Variants in ACTL8 observed in about 807,000 individuals in gnomAD.
ACTL8 encodes actin like 8.
A neutral mutation model predicts 9.3 loss-of-function variants in ACTL8; 3 were observed. The observed-to-expected ratio is 0.32, with a 90% CI of 0.15 to 0.83. The LOEUF is 0.83. ACTL8 is among the 40% of genes least tolerant of loss of function. The pLI is 0.57. For missense variants in ACTL8, 381 were observed against 492.2 expected, an observed-to-expected ratio of 0.77 and a Z score of 2.14; for synonymous variants, 224 against 205.9, an observed-to-expected ratio of 1.09 and a Z score of -0.75.
chr1:17,789,912 C>T (rs2066225560), intron 1 of ACTL8, among the ~76,000 whole-genome samples: 2 of 152,238 alleles, frequency 1.3e-5, no homozygotes, highest in Non-Finnish European at 2.9e-5. Flanking sequence ...CTGCTGGGCT[C>T]ATTTCACGCA....
chr1:17,813,738 G>A (rs896182388), intron 1 of ACTL8, among the ~76,000 whole-genome samples: 3 of 152,138 alleles, frequency 2.0e-5, no homozygotes, highest in African/African-American at 4.8e-5. Context: ...CAGTGAAACC[G>A]TTTAGACCTA....
intron 1 of ACTL8, among the ~76,000 whole-genome samples, chr1:17,773,320 C>T (rs951677955): frequency 2.9e-4 from 44 of 152,216 alleles, no homozygotes; most frequent in African/African-American, 1.0e-3. Flanking sequence ...GCTCACCGAT[C>T]GCTGTGCCTT....
intron 1 of ACTL8, among the ~76,000 whole-genome samples, chr1:17,770,788 A>G (rs540019101): frequency 3.9e-5 from 6 of 152,304 alleles, no homozygotes; most frequent in African/African-American, 1.4e-4. Context: ...TGGACTGTAT[A>G]GTCAGGAAAG....
In ACTL8 at chr1:17,767,830, G is replaced by A. The variant is rs928625560; in HGVS notation, c.-25+12326G>A. Among the ~76,000 whole-genome samples the A allele has an allele frequency of 2.0e-5, 3 of 152,078 alleles. No homozygotes were observed. The highest frequency in any genetic ancestry group is 4.8e-5 in the African/African-American group (2 of 41,378). On this transcript the variant is annotated intron_variant, in intron 1 of 2. Coordinates refer to ENST00000375406, the MANE Select transcript of ACTL8 (RefSeq NM_030812.3). This position sits in a 1 kb window ranked among gnomAD's most constrained non-coding sequence, Gnocchi z 4.7. ...AGTCTGATGCCGTGACTGCTGACAC[G>A]GGAGGAATGACACTGCGTTACTCAA...
intron 1 of ACTL8, among the ~76,000 whole-genome samples, chr1:17,802,757 C>T (rs1016251828): frequency 4.6e-5 from 7 of 152,142 alleles, no homozygotes; most frequent in Admixed American, 2.0e-4. Context: ...CCAAGGCAGG[C>T]AGATCACTTG....
intron 1 of ACTL8, among the ~76,000 whole-genome samples, chr1:17,793,333 C>T (rs1026135703): frequency 1.3e-5 from 2 of 152,184 alleles, no homozygotes; most frequent in Non-Finnish European, 2.9e-5. Flanking sequence ...ACTGTGAGCA[C>T]CTACTGTGTG....
At chr1:17,772,891 TC>T (rs2066093548) in intron 1 of ACTL8, among the ~76,000 whole-genome samples, 1 of 150,478 alleles carries the variant, frequency 6.6e-6, no homozygotes. Flanking sequence ...GAGTACCTCT[TC>T]CTTAGAGCAA....
Position 17,803,538 on chromosome 1 carries a change from C to T in ACTL8, c.-24-19447C>T, listed in dbSNP as rs551513752. ...TAGAGAGGGGGTTTTGCCATGTTGG[C>T]CAGGCCTGTCTCAAACTCCTGACCT... is the stretch of plus-strand genomic sequence containing the variant. On this transcript the variant is annotated intron_variant, in intron 1 of 2. Transcript: ENST00000375406. Among the ~76,000 whole-genome samples the T allele has an allele frequency of 9.8e-5, 15 of 152,298 alleles. No homozygotes were observed. The South Asian group carries it at 2.9e-3, about 29-fold the overall frequency.
At chr1:17,763,225 G>A (rs766327417) in intron 1 of ACTL8, among the ~76,000 whole-genome samples, 5 of 152,254 alleles carry the variant, frequency 3.3e-5, no homozygotes, top group African/African-American at 7.2e-5. Flanking sequence ...TGGGTTTCAC[G>A]TTGTTTAAAA....
intron 1 of ACTL8, among the ~76,000 whole-genome samples, chr1:17,772,815 C>T (rs1181321046): frequency 6.6e-6 from 1 of 151,922 alleles, no homozygotes; most frequent in Non-Finnish European, 1.5e-5. Context: ...CCCAGGCAGT[C>T]TAAGAACCGC....
At chr1:17,803,575 T>G (rs925916625) in intron 1 of ACTL8, among the ~76,000 whole-genome samples, 1 of 152,204 alleles carries the variant, frequency 6.6e-6, no homozygotes, top group Non-Finnish European at 1.5e-5. Context: ...AGGTGATCCA[T>G]GTGCCTCGGC....
At chr1:17,807,218 T>C (rs2066365151) in intron 1 of ACTL8, among the ~76,000 whole-genome samples, 2 of 152,218 alleles carry the variant, frequency 1.3e-5, no homozygotes, top group African/African-American at 4.8e-5. Context: ...CAGTCTTCAT[T>C]CCCCTTGGTC....
intron 1 of ACTL8, among the ~76,000 whole-genome samples, chr1:17,793,363 T>C (rs1228945421): frequency 6.6e-6 from 1 of 152,166 alleles, no homozygotes; most frequent in East Asian, 1.9e-4. Flanking sequence ...TGCAAAAGGT[T>C]TTATCTGCGC....
At chr1:17,806,350 TC>T (rs1189426614) in intron 1 of ACTL8, among the ~76,000 whole-genome samples, 1 of 152,190 alleles carries the variant, frequency 6.6e-6, no homozygotes, top group Non-Finnish European at 1.5e-5. Flanking sequence ...AACCCTGTCC[TC>T]CCCTCATGCA....
chr1:17,807,331 G>C (rs1372327720), intron 1 of ACTL8, among the ~76,000 whole-genome samples: 1 of 152,180 alleles, frequency 6.6e-6, no homozygotes, highest in Non-Finnish European at 1.5e-5. Context: ...CGGCTGACAG[G>C]TTGGAGGCAC....
intron 1 of ACTL8, among the ~76,000 whole-genome samples, chr1:17,761,097 C>T (rs1485074864): frequency 1.3e-5 from 2 of 151,730 alleles, no homozygotes; most frequent in African/African-American, 4.8e-5. Context: ...GAGGAGCTAC[C>T]CTATGCAAAC....
In ACTL8 at chr1:17,771,518, T is replaced by G. The variant is rs78329696; in HGVS notation, c.-25+16014T>G. Among the ~76,000 whole-genome samples, 552 of 152,292 alleles carry G rather than the reference T, an allele frequency of 3.6e-3. 2 individuals are homozygous for G. Among genetic ancestry groups the G allele is most frequent in the Non-Finnish European group, 6.5e-3 (439 of 68,030 alleles). On this transcript the variant is annotated intron_variant, in intron 1 of 2. Transcript: ENST00000375406. ...GGGCGGGTTGAAGACAGTCAGATAT[T>G]TGGCTCAGAAAGAGGTGACTTGGTT... is the stretch of plus-strand genomic sequence containing the variant.
In ACTL8 at chr1:17,767,638, G is replaced by A. The variant is rs2066053967; in HGVS notation, c.-25+12134G>A. Among the ~76,000 whole-genome samples the A allele has an allele frequency of 1.3e-5, 2 of 152,288 alleles. No homozygotes were observed. Among genetic ancestry groups the A allele is most frequent in the African/African-American group, 4.8e-5 (2 of 41,552 alleles). ...GTAAGCCCTTTGCTTTTTGGGTATT[G>A]ACTGTAGATCAGTGCTCACCATGTT... is the stretch of plus-strand genomic sequence containing the variant. On this transcript the variant is annotated intron_variant, in intron 1 of 2. Coordinates refer to ENST00000375406, the MANE Select transcript of ACTL8 (RefSeq NM_030812.3). The surrounding 1 kb of genome is among the most constrained non-coding windows in gnomAD (Gnocchi z 4.7).
At chr1:17,773,089 C>T (rs930409275) in intron 1 of ACTL8, among the ~76,000 whole-genome samples, 3 of 152,162 alleles carry the variant, frequency 2.0e-5, no homozygotes, top group East Asian at 1.9e-4. Context: ...CGTAATCCTC[C>T]GAAGCCCCTC....
Sources: allele counts gnomAD v4.1 joint callset (sites outside exome capture counted in the v4.1 genomes callset), GRCh38; gene constraint gnomAD v4.1.1; non-coding constraint Gnocchi (gnomAD v3.1); transcripts MANE v1.5; gene names NCBI Gene and HGNC (gene_info 2026-07-23, HGNC 2026-07-21).